The following SLC7A11 variants were observed in gnomAD, a reference collection of about 807,000 sequenced individuals.
The protein encoded by SLC7A11 is cystine/glutamate transporter.
SLC7A11 carries 35 observed loss-of-function variants against 54.5 expected under a neutral mutation model. The observed-to-expected ratio is 0.64, with a 90% CI of 0.49 to 0.85. The LOEUF is 0.85. SLC7A11 is among the 40% of genes least tolerant of loss of function. SLC7A11 has a pLI of 0.00. For missense variants in SLC7A11, 583 were observed against 618.1 expected (o/e 0.94, Z 0.60); for synonymous variants, 230 against 225.2 (o/e 1.02, Z -0.19).
chr4:138,185,015 A>C, intron 7 of SLC7A11, 106 bp downstream of exon 7: 2 of 1,294,470 alleles, frequency 1.5e-6, no homozygotes, highest in Non-Finnish European at 2.2e-6. Flanking sequence ...CAGGTCAAGA[A>C]AAGATTACTG....
chr4:138,238,294 G>A (rs895234567), intron 1 of SLC7A11, among the ~76,000 whole-genome samples: 3 of 151,970 alleles, frequency 2.0e-5, no homozygotes, highest in Non-Finnish European at 4.4e-5. Context: ...CCTGACACAT[G>A]GCAAGCACCA....
intron 6 of SLC7A11, among the ~76,000 whole-genome samples, chr4:138,186,083 T>G (rs1334900293): frequency 6.6e-6 from 1 of 152,132 alleles, no homozygotes; most frequent in Non-Finnish European, 1.5e-5. Flanking sequence ...CAATATTATG[T>G]CTTCATTTAA....
chr4:138,184,538 TAGGG>T (rs1736829116), intron 7 of SLC7A11, among the ~76,000 whole-genome samples: 1 of 152,132 alleles, frequency 6.6e-6, no homozygotes, highest in Non-Finnish European at 1.5e-5. Flanking sequence ...ATCCACTTCT[TAGGG>T]AGTTCAAATG....
intron 6 of SLC7A11, among the ~76,000 whole-genome samples, chr4:138,200,619 A>G (rs180688902): frequency 1.1e-3 from 165 of 152,230 alleles, no homozygotes; most frequent in African/African-American, 3.8e-3. Flanking sequence ...AAAGAGTACT[A>G]GAAAAGGATC....
chr4:138,238,280 A>G (rs76869619), intron 1 of SLC7A11, among the ~76,000 whole-genome samples: 10,867 of 152,224 alleles, frequency 0.071, 478 homozygotes, highest in Middle Eastern at 0.095. Flanking sequence ...AGTACAGTAC[A>G]TGGCCTGACA....
At chr4:138,180,597 TAGG>T in intron 10 of SLC7A11, 41 bp downstream of exon 10, 2 of 1,597,510 alleles carry the variant, frequency 1.3e-6, no homozygotes, top group Non-Finnish European at 1.7e-6. Flanking sequence ...GACTAGGTAT[TAGG>T]AGAGAGATTT....
Position 138,164,625 on chromosome 4 carries a change from A to AT in SLC7A11, c.*7330dup, listed in dbSNP as rs1238057346. ...TAAAATGCAGTTTTGCTCTTTAAGA[A>AT]TTTTATCAATGTAAGACATTGTATT... On this transcript the variant is annotated 3_prime_UTR_variant, in exon 12 of 12. Coordinates refer to ENST00000280612, the MANE Select transcript of SLC7A11 (RefSeq NM_014331.4). 6.6e-6 allele frequency: 1 copy of AT among 152,168 alleles called. No individual in the cohort carries two copies. Among genetic ancestry groups the AT allele is most frequent in the Non-Finnish European group, 1.5e-5 (1 of 68,004 alleles). The allele number at this position is 152,168 out of a possible 1,614,324, so 9.4% of individuals were successfully genotyped here.
At chr4:138,239,128 C>T (rs868660411) in intron 1 of SLC7A11, among the ~76,000 whole-genome samples, 17 of 152,124 alleles carry the variant, frequency 1.1e-4, no homozygotes, top group Admixed American at 2.6e-4. Flanking sequence ...GGGAAACATT[C>T]GCCATGTTGG....
chr4:138,190,929 T>G (rs1736994976), intron 6 of SLC7A11, among the ~76,000 whole-genome samples: 1 of 152,166 alleles, frequency 6.6e-6, no homozygotes. Flanking sequence ...TTTCTTTGTG[T>G]GTTTTCAGTG....
At chr4:138,193,925 A>AT (rs1363235400) in intron 6 of SLC7A11, among the ~76,000 whole-genome samples, 2 of 152,206 alleles carry the variant, frequency 1.3e-5, no homozygotes, top group Non-Finnish European at 2.9e-5. Context: ...ATAAATCTCT[A>AT]TTCATACTCT....
chr4:138,204,035 G>A (rs1275997865), intron 6 of SLC7A11, among the ~76,000 whole-genome samples: 1 of 151,984 alleles, frequency 6.6e-6, no homozygotes, highest in Non-Finnish European at 1.5e-5. Context: ...CTCACCCGCT[G>A]CCCGAGACAT....
intron 6 of SLC7A11, among the ~76,000 whole-genome samples, chr4:138,186,810 A>C (rs1344362812): frequency 6.6e-6 from 1 of 152,186 alleles, no homozygotes; most frequent in Non-Finnish European, 1.5e-5. Flanking sequence ...GGAGAACATG[A>C]AGGTGTATAC....
chr4:138,193,131 G>A (rs1737052101), intron 6 of SLC7A11, among the ~76,000 whole-genome samples: 2 of 152,210 alleles, frequency 1.3e-5, no homozygotes, highest in South Asian at 4.2e-4. Context: ...AAGTAAACAT[G>A]GAGACATTCA....
At chr4:138,226,598 G>A (rs989404496) in intron 3 of SLC7A11, among the ~76,000 whole-genome samples, 1 of 151,952 alleles carries the variant, frequency 6.6e-6, no homozygotes, top group Non-Finnish European at 1.5e-5. Flanking sequence ...TTCTCCGGTG[G>A]CTATAACTGC....
chr4:138,237,718 TATATATATATATA>T (rs1738252195), intron 1 of SLC7A11, among the ~76,000 whole-genome samples: 1 of 8,140 alleles, frequency 1.2e-4, no homozygotes. Context: ...TATATATATA[TATATATATATATA>T]TATATATTTT....
At chr4:138,189,915 CAT>C (rs772125472) in intron 6 of SLC7A11, among the ~76,000 whole-genome samples, 6 of 152,164 alleles carry the variant, frequency 3.9e-5, no homozygotes, top group Non-Finnish European at 7.4e-5. Context: ...ATTCAGCCCA[CAT>C]GAGTGGTCTG....
chr4:138,223,244 C>T lies in SLC7A11; in HGVS notation c.601G>A (p.Ala201Thr). Reference protein sequence around the residue: ...QIFLTFCKLTAILIIIVPGVM... With the variant: ...QIFLTFCKLTTILIIIVPGVM... The stretch of plus-strand genomic sequence containing the variant: ...CCAGGGACTATAATTATCAGAATTG[C>T]TGTGAGCTTGCAAAAGGTTAAGAAA... Residue 201 changes from alanine (A) to threonine (T), a missense_variant, in exon 4 of 12, where the codon GCA becomes ACA. Transcript: ENST00000280612. 2 of 1,613,594 alleles carry T rather than the reference C, an allele frequency of 1.2e-6. No homozygotes were observed. The highest frequency in any genetic ancestry group is 1.1e-5 in the South Asian group (1 of 91,070).
At position 138,165,091 on chromosome 4, in the gene SLC7A11, C is replaced by T. The variant is rs981765202; in HGVS notation, c.*6865G>A. ...TAATAATATGTTAACATAAACATAA[C>T]AACACACATATTATTTTTCTACCCC... is the stretch of plus-strand genomic sequence containing the variant. On this transcript the variant is annotated 3_prime_UTR_variant, in exon 12 of 12. Coordinates refer to ENST00000280612, the MANE Select transcript of SLC7A11 (RefSeq NM_014331.4). The T allele has an allele frequency of 5.9e-5, 9 of 152,446 alleles. No homozygotes were observed. Among genetic ancestry groups the T allele is most frequent in the Non-Finnish European group, 1.2e-4 (8 of 67,984 alleles). 9.4% of individuals were successfully genotyped at this position (152,446 alleles called of 1,614,324 possible).
chr4:138,200,950 T>C (rs1737268007), intron 6 of SLC7A11, among the ~76,000 whole-genome samples: 1 of 152,066 alleles, frequency 6.6e-6, no homozygotes, highest in Non-Finnish European at 1.5e-5. Flanking sequence ...GCTATCTATC[T>C]CTTAGAGAAC....
Sources: gnomAD v4.1 joint callset for allele counts (sites outside exome capture counted in the v4.1 genomes callset) on GRCh38, gnomAD v4.1.1 for gene constraint, MANE v1.5 for transcripts, NCBI Gene and HGNC (gene_info 2026-07-23, HGNC 2026-07-21) for gene names.